LPIN2: variants seen among roughly 807,000 people sequenced by gnomAD.
LPIN2 encodes phosphatidate phosphatase LPIN2.
Under a neutral mutation model 111.4 loss-of-function variants are expected in LPIN2, and 55 were observed. The observed-to-expected ratio is 0.49, with a 90% CI of 0.40 to 0.62. LPIN2 has a LOEUF of 0.62. Among genes scored for constraint, LPIN2 ranks in the 20% least tolerant of loss-of-function variants. LPIN2 has a pLI of 0.00. For synonymous variants in LPIN2, 425 were observed against 414.0 expected (o/e 1.03, Z -0.32); for missense variants, 992 against 1,112.1 (o/e 0.89, Z 1.54).
At chr18:2,956,670 A>C (rs538906051) in intron 2 of LPIN2, among the ~76,000 whole-genome samples, 4 of 152,334 alleles carry the variant, frequency 2.6e-5, no homozygotes, top group East Asian at 1.9e-4. Flanking sequence ...CTATCCATTT[A>C]AACAGTGTAG....
chr18:3,011,680 CTG>C (rs1348333393), intron 1 of LPIN2: 2 of 152,216 alleles, frequency 1.3e-5, no homozygotes, highest in African/African-American at 4.8e-5. Context: ...GAGTGAGACT[CTG>C]TCTCGAAATA....
chr18:2,929,127 G>T lies in LPIN2; in HGVS notation c.1488C>A (p.His496Gln). The T allele has an allele frequency of 6.2e-7, 1 of 1,607,248 alleles. No homozygotes were observed. Residue 496 changes from histidine (H) to glutamine (Q), a missense_variant, in exon 10 of 20, where the codon CAC becomes CAA. Transcript: ENST00000677752. ...TAAGTCCAGGGTTTTCTGCAAATTC[G>T]TGATAAGTAATGATATGCTCCATGA... ...EKFMEHIITYHEFAENPGLID... is the reference protein window; with the variant it reads ...EKFMEHIITYQEFAENPGLID...
At position 2,925,519 on chromosome 18, in the gene LPIN2, C is replaced by T; in HGVS notation, c.1794-151G>A. On this transcript the variant is annotated intron_variant, in intron 13 of 19. Coordinates refer to ENST00000677752, the MANE Select transcript of LPIN2 (RefSeq NM_001375808.2). The surrounding 1 kb of genome is among the most constrained non-coding windows in gnomAD (Gnocchi z 4.1). ...CTGCCATTCTCCCATATCCACAGCT[C>T]TGTACGCCTGAAATATTCATATTGT... is the stretch of plus-strand genomic sequence containing the variant. The T allele has an allele frequency of 9.7e-7, 1 of 1,034,672 alleles. No homozygotes were observed. The highest frequency in any genetic ancestry group is 1.4e-6 in the Non-Finnish European group (1 of 691,370). 64.1% of individuals were successfully genotyped at this position (1,034,672 alleles called of 1,614,324 possible).
chr18:2,940,499 G>T, intron 5 of LPIN2, 106 bp downstream of exon 5: 1 of 698,872 alleles, frequency 1.4e-6, no homozygotes, highest in Non-Finnish European at 2.6e-6. Context: ...CAGTTCCTTG[G>T]CTGTGTGAGA....
At chr18:2,922,518 C>A (rs943465443) in intron 16 of LPIN2, among the ~76,000 whole-genome samples, 5 of 152,148 alleles carry the variant, frequency 3.3e-5, no homozygotes, top group African/African-American at 1.2e-4. Flanking sequence ...CTCAGGCAAC[C>A]TGCCCACCTC....
chr18:2,939,416 G>T, intron 6 of LPIN2, 64 bp downstream of exon 6: 1 of 1,600,096 alleles, frequency 6.2e-7, no homozygotes, highest in South Asian at 1.1e-5. Context: ...TTACTTATGG[G>T]CAGAGGAATT....
intron 1 of LPIN2, among the ~76,000 whole-genome samples, chr18:2,992,855 G>A (rs561430817): frequency 1.3e-5 from 2 of 152,038 alleles, no homozygotes; most frequent in Admixed American, 1.3e-4. Flanking sequence ...GCCTGGTGGC[G>A]GGCGCCTGTA....
At chr18:2,999,046 A>C (rs1049100315) in intron 1 of LPIN2, among the ~76,000 whole-genome samples, 8 of 152,246 alleles carry the variant, frequency 5.3e-5, no homozygotes, top group African/African-American at 1.9e-4. Flanking sequence ...AGATAGGTGT[A>C]ACTAAAAGCA....
intron 1 of LPIN2, among the ~76,000 whole-genome samples, chr18:2,980,042 G>C (rs1273745801): frequency 6.6e-6 from 1 of 152,218 alleles, no homozygotes; most frequent in African/African-American, 2.4e-5. Flanking sequence ...AAACTTAGGG[G>C]AGTTAGGAGG....
intron 1 of LPIN2, among the ~76,000 whole-genome samples, chr18:3,004,657 C>T (rs866579571): frequency 6.6e-6 from 1 of 152,204 alleles, no homozygotes; most frequent in African/African-American, 2.4e-5. Context: ...ATGTTGGATA[C>T]TGACATACCA....
intron 13 of LPIN2, among the ~76,000 whole-genome samples, chr18:2,926,039 G>T (rs562797639): frequency 1.3e-5 from 2 of 152,180 alleles, no homozygotes; most frequent in African/African-American, 2.4e-5. Context: ...CAGCTACTTA[G>T]GAGGCCGAGG....
chr18:2,954,622 C>T (rs1227773938), intron 2 of LPIN2, 23 bp from the exon 3 acceptor site: 120 of 1,493,580 alleles, frequency 8.0e-5, no homozygotes, highest in Non-Finnish European at 1.1e-4. Context: ...CAAAGTATGA[C>T]TTAATGTTCA....
chr18:2,977,344 G>A (rs2143340085), intron 1 of LPIN2, among the ~76,000 whole-genome samples: 1 of 152,260 alleles, frequency 6.6e-6, no homozygotes, highest in South Asian at 2.1e-4. Flanking sequence ...GTAACTAGAT[G>A]CACAAGCACT....
At chr18:2,930,614 C>T (rs1344371160) in intron 9 of LPIN2, among the ~76,000 whole-genome samples, 1 of 152,124 alleles carries the variant, frequency 6.6e-6, no homozygotes, top group African/African-American at 2.4e-5. Flanking sequence ...ACAGGCCAAA[C>T]TGAGAAATAC....
intron 4 of LPIN2, among the ~76,000 whole-genome samples, chr18:2,944,211 T>C (rs1259059593): frequency 1.3e-5 from 2 of 151,554 alleles, no homozygotes; most frequent in African/African-American, 4.9e-5. Context: ...TCACTAGAAT[T>C]GTGAAGCTCT....
intron 1 of LPIN2, among the ~76,000 whole-genome samples, chr18:2,993,909 G>A (rs1313147774): frequency 1.3e-5 from 2 of 152,160 alleles, no homozygotes; most frequent in South Asian, 2.1e-4. Context: ...GTGCTCTGAG[G>A]ATCCGATGGA....
intron 1 of LPIN2, among the ~76,000 whole-genome samples, chr18:3,005,351 CAA>C (rs111680053): frequency 1.5e-5 from 2 of 129,808 alleles, no homozygotes. Flanking sequence ...GACTCCGTCT[CAA>C]AAAAAAAAAA....
At chr18:3,005,309 A>C (rs928539521) in intron 1 of LPIN2, among the ~76,000 whole-genome samples, 7 of 151,954 alleles carry the variant, frequency 4.6e-5, no homozygotes, top group African/African-American at 1.5e-4. Context: ...AAGATCGTGC[A>C]TCACTGCACT....
intron 16 of LPIN2, 96 bp downstream of exon 16, chr18:2,923,679 T>G: frequency 2.9e-6 from 3 of 1,033,358 alleles, no homozygotes; most frequent in South Asian, 2.5e-5. Flanking sequence ...CATAAACACA[T>G]GACTCATGTG....
Sources: gnomAD v4.1 joint callset for allele counts (sites outside exome capture counted in the v4.1 genomes callset) on GRCh38, gnomAD v4.1.1 for gene constraint, Gnocchi (gnomAD v3.1) non-coding constraint, MANE v1.5 for transcripts, NCBI Gene and HGNC (gene_info 2026-07-23, HGNC 2026-07-21) for gene names.